TSNAXIP1: variants seen among roughly 807,000 people sequenced by gnomAD.
The protein encoded by TSNAXIP1 is translin associated factor X interacting protein 1.
Under a neutral mutation model 84.8 loss-of-function variants are expected in TSNAXIP1, and 89 were observed. The observed-to-expected ratio is 1.05, with a 90% CI of 0.88 to 1.25. The LOEUF is 1.25. Among genes scored for constraint, TSNAXIP1 ranks in the 50% most tolerant of loss-of-function variants. The probability of loss-of-function intolerance (pLI) is 0.00; values close to 1 mark genes in which losing one functional copy is unlikely to be tolerated. For synonymous variants in TSNAXIP1, 347 were observed against 335.2 expected (o/e 1.04, Z -0.39); for missense variants, 874 against 887.6 (o/e 0.98, Z 0.20).
chr16:67,813,109 G>A (rs982271289), intron 1 of TSNAXIP1, among the ~76,000 whole-genome samples: 11 of 151,740 alleles, frequency 7.2e-5, no homozygotes, highest in Admixed American at 3.3e-4. Context: ...ACTTCAGGCC[G>A]GTCGCGGTGG....
In TSNAXIP1 at chr16:67,824,789, A is replaced by G; in HGVS notation, c.678+10A>G. 6 of 1,612,138 alleles carry G rather than the reference A, an allele frequency of 3.7e-6. No homozygotes were observed. Among genetic ancestry groups the G allele is most frequent in the Non-Finnish European group, 5.1e-6 (6 of 1,178,736 alleles). On this transcript the variant is annotated intron_variant, in intron 6 of 15. Coordinates refer to ENST00000561639, the MANE Select transcript of TSNAXIP1 (RefSeq NM_001288990.3). ...TTCATTGCAGAGCGAGGTGAATGGA[A>G]GTGGTGTGATGATGACCAAGTCCCC... is the stretch of plus-strand genomic sequence containing the variant.
intron 1 of TSNAXIP1, among the ~76,000 whole-genome samples, chr16:67,813,114 C>T (rs1372045076): frequency 6.6e-6 from 1 of 152,090 alleles, no homozygotes; most frequent in African/African-American, 2.4e-5. Context: ...AGGCCGGTCG[C>T]GGTGGCTTAC....
rs1253588626 is a variant in TSNAXIP1 at position 67,807,018 on chromosome 16, G to T, written c.-132G>T. ...CTCCCAGCCCGCGGGCGCTAGGCTC[G>T]GGGGCGTGGCGCATCCCTGACTCCG... On this transcript the variant is annotated 5_prime_UTR_variant, in exon 1 of 16. Transcript: ENST00000561639. 2.4e-5 allele frequency: 34 copies of T among 1,412,390 alleles called. No individual in the cohort carries two copies. The East Asian group carries it at 8.5e-4, about 35-fold the overall frequency. 87.5% of individuals were successfully genotyped at this position (1,412,390 alleles called of 1,614,324 possible).
intron 1 of TSNAXIP1, among the ~76,000 whole-genome samples, chr16:67,813,387 A>AAAAT (rs1426192439): frequency 6.6e-6 from 1 of 151,828 alleles, no homozygotes; most frequent in Non-Finnish European, 1.5e-5. Flanking sequence ...ACTGCATCTC[A>AAAAT]AAATAAATAA....
At chr16:67,821,708 G>A (rs1212629987) in intron 4 of TSNAXIP1, among the ~76,000 whole-genome samples, 1 of 151,736 alleles carries the variant, frequency 6.6e-6, no homozygotes, top group Non-Finnish European at 1.5e-5. Context: ...ATGCCAGTGA[G>A]GCCGGGCACA....
At position 67,825,926 on chromosome 16, in the gene TSNAXIP1, C is replaced by G; in HGVS notation, c.994C>G (p.Leu332Val). ...NKDLQEQLDT[L>V]RASYEEVRKE... Reference sequence around the variant, plus strand: ...ATGTCCTTGCCCACAGCTGGACACCCTGAGAGCCAGCTACGAGGAGGTTCG... The same window carrying G: ...ATGTCCTTGCCCACAGCTGGACACCGTGAGAGCCAGCTACGAGGAGGTTCG... The change falls in exon 9 of 16, where the codon CTG becomes GTG. Residue 332 changes from leucine (L) to valine (V), a missense_variant. Coordinates refer to ENST00000561639, the MANE Select transcript of TSNAXIP1 (RefSeq NM_001288990.3). 1 of 1,614,078 alleles carries G rather than the reference C, an allele frequency of 6.2e-7. No individual in the cohort carries two copies. Among genetic ancestry groups the G allele is most frequent in the South Asian group, 1.1e-5 (1 of 91,078 alleles).
At chr16:67,827,713 G>C (rs757784260) in intron 15 of TSNAXIP1, 40 bp from the exon 16 acceptor site, 6 of 1,612,580 alleles carry the variant, frequency 3.7e-6, no homozygotes, top group Non-Finnish European at 5.1e-6. Flanking sequence ...GGCACGGAGA[G>C]GAGGGGTCAG....
chr16:67,819,822 T>TTTTTTTTTTTTC, intron 2 of TSNAXIP1, among the ~76,000 whole-genome samples: 1 of 139,422 alleles, frequency 7.2e-6, no homozygotes, highest in African/African-American at 2.7e-5. Flanking sequence ...TAAATTTTTT[T>TTTTTTTTTTTTC]TTTTTTTTTT....
In TSNAXIP1 at chr16:67,825,222, T is replaced by C. The variant is rs2057349887; in HGVS notation, c.764T>C (p.Leu255Pro). 1.3e-5 allele frequency: 21 copies of C among 1,614,166 alleles called. No homozygotes were observed. The highest frequency in any genetic ancestry group is 1.7e-5 in the Non-Finnish European group (20 of 1,180,016). ...GCCTGTAAGATCCTCATCGCAGACC[T>C]GAATGAGCTGCGGTACCAGCGGGAG... ...RDACKILIAD[L>P]NELRYQREDM... Residue 255 changes from leucine (L) to proline (P), a missense_variant, in exon 7 of 16, where the codon CTG becomes CCG. Coordinates refer to ENST00000561639, the MANE Select transcript of TSNAXIP1 (RefSeq NM_001288990.3).
intron 4 of TSNAXIP1, among the ~76,000 whole-genome samples, chr16:67,821,801 T>C (rs2057078191): frequency 6.7e-6 from 1 of 149,764 alleles, no homozygotes; most frequent in African/African-American, 2.5e-5. Flanking sequence ...ACCAGCCTGG[T>C]CAACATGGTG....
intron 4 of TSNAXIP1, among the ~76,000 whole-genome samples, chr16:67,822,055 G>T (rs2057104132): frequency 6.6e-6 from 1 of 151,612 alleles, no homozygotes; most frequent in Admixed American, 6.6e-5. Flanking sequence ...GAGGCAGGCG[G>T]ATCACCAGGT....
chr16:67,810,625 A>T (rs1247238832), intron 1 of TSNAXIP1, among the ~76,000 whole-genome samples: 1 of 152,174 alleles, frequency 6.6e-6, no homozygotes, highest in Non-Finnish European at 1.5e-5. Context: ...TCTTAAAAAA[A>T]TAAAAATAAA....
At chr16:67,812,582 C>T (rs999404230) in intron 1 of TSNAXIP1, among the ~76,000 whole-genome samples, 2 of 151,604 alleles carry the variant, frequency 1.3e-5, no homozygotes, top group Non-Finnish European at 2.9e-5. Flanking sequence ...AAGAGAATTG[C>T]TTGAACCTGG....
At chr16:67,822,799 G>A (rs545648846) in intron 4 of TSNAXIP1, among the ~76,000 whole-genome samples, 12 of 152,314 alleles carry the variant, frequency 7.9e-5, no homozygotes, top group East Asian at 7.7e-4. Context: ...CCACTATGGC[G>A]TAGTGGGGCT....
intron 3 of TSNAXIP1, 35 bp from the exon 4 acceptor site, chr16:67,821,064 G>T: frequency 6.2e-7 from 1 of 1,612,390 alleles, no homozygotes; most frequent in Non-Finnish European, 8.5e-7. Flanking sequence ...GCCCCGTGGG[G>T]GTGCTGGCCA....
chr16:67,807,498 T>C, intron 1 of TSNAXIP1: 1 of 1,009,366 alleles, frequency 9.9e-7, no homozygotes, highest in Non-Finnish European at 1.3e-6. Flanking sequence ...AAGATCTCGT[T>C]CTGTCGCCCA....
In TSNAXIP1 at chr16:67,825,748, TCAA is replaced by T. The variant is rs1300603288; in HGVS notation, c.902_904del (p.Asn301del). 1 of 1,613,978 alleles carries T rather than the reference TCAA, an allele frequency of 6.2e-7. No homozygotes were observed. The highest frequency in any genetic ancestry group is 1.3e-5 in the African/African-American group (1 of 74,874). ...GACCTGACCCGCACGCAGATGGAAC[TCAA>T]CAACATGAAGGCCAACTTTGGAGAT... On this transcript the variant is annotated inframe_deletion, in exon 8 of 16. Transcript: ENST00000561639.
In TSNAXIP1 at chr16:67,827,048, G is replaced by T. The variant is rs751807176; in HGVS notation, c.1640G>T (p.Gly547Val). The T allele has an allele frequency of 3.7e-6, 6 of 1,613,948 alleles. No individual in the cohort carries two copies. The East Asian group carries it at 1.3e-4, about 36-fold the overall frequency. Residue 547 changes from glycine to valine, a missense_variant, in exon 13 of 16, where the codon GGG becomes GTG. Transcript: ENST00000561639. Reference protein sequence around the residue: ...EMTNADSQNEGLLTMEQFNTV... With the variant: ...EMTNADSQNEVLLTMEQFNTV... ...ACAAATGCTGACAGTCAGAACGAGG[G>T]GCTACTAACCATGGAGCAGTTCAAG...
At chr16:67,809,631 A>AAATAAAT (rs1567734243) in intron 1 of TSNAXIP1, among the ~76,000 whole-genome samples, 1 of 150,552 alleles carries the variant, frequency 6.6e-6, no homozygotes, top group African/African-American at 2.5e-5. Flanking sequence ...GTCTCAAAAA[A>AAATAAAT]AAATAAATAA....
Sources: allele counts gnomAD v4.1 joint callset (sites outside exome capture counted in the v4.1 genomes callset), GRCh38; gene constraint gnomAD v4.1.1; transcripts MANE v1.5; gene names NCBI Gene and HGNC (gene_info 2026-07-23, HGNC 2026-07-21).